Variants in PPP2R2B observed in about 807,000 individuals in gnomAD.
The protein encoded by PPP2R2B is protein phosphatase 2 regulatory subunit Bbeta.
In PPP2R2B, 5 loss-of-function variants were observed where a neutral mutation model predicts 46.0. That is an observed-to-expected ratio of 0.11 (90% CI 0.06 to 0.23). PPP2R2B has a LOEUF of 0.23. PPP2R2B is among the 10% of genes least tolerant of loss of function. The pLI is 1.00. For missense variants in PPP2R2B, 367 were observed against 575.0 expected, an observed-to-expected ratio of 0.64 and a Z score of 3.70; for synonymous variants, 215 against 206.7, an observed-to-expected ratio of 1.04 and a Z score of -0.34.
intron 2 of PPP2R2B, among the ~76,000 whole-genome samples, chr5:146,766,434 A>G (rs974676698): frequency 4.6e-5 from 7 of 152,182 alleles, no homozygotes; most frequent in Non-Finnish European, 1.0e-4. Flanking sequence ...CTAAGCCAGG[A>G]GTGAGTGGGG....
intron 2 of PPP2R2B, among the ~76,000 whole-genome samples, chr5:146,771,556 G>C (rs1391533888): frequency 1.3e-5 from 2 of 152,146 alleles, no homozygotes; most frequent in African/African-American, 4.8e-5. Context: ...CCTTCCATAA[G>C]AGTTACAAAC....
chr5:146,678,321 A>G lies in PPP2R2B; in HGVS notation c.447+12807T>C, dbSNP rs559169752. On this transcript the variant is annotated intron_variant, in intron 5 of 9. Coordinates refer to ENST00000394411, the MANE Select transcript of PPP2R2B (RefSeq NM_181675.4). ...TGCTTATCTCAATAGATGCAGAAAA[A>G]GCCTTTGACAAAATTCAACAACACT... 1.5e-3 allele frequency among the ~76,000 whole-genome samples: 230 copies of G among 150,358 alleles called. 2 individuals are homozygous for G. The highest frequency in any genetic ancestry group is 2.6e-3 in the Non-Finnish European group (176 of 67,988).
In PPP2R2B at chr5:146,939,265, G is replaced by A. The variant is rs555119290; in HGVS notation, c.79+116400C>T. On this transcript the variant is annotated intron_variant, in intron 1 of 8. Transcript: ENST00000336640. ...TTCCCTTAAAAGTTGATACCTAAAAGGAGAAAATAAAAATAAATACTTCTA... is the reference window on the plus strand; with the variant it reads ...TTCCCTTAAAAGTTGATACCTAAAAAGAGAAAATAAAAATAAATACTTCTA... Among the ~76,000 whole-genome samples the A allele has an allele frequency of 2.8e-4, 43 of 152,198 alleles. No homozygotes were observed. In the South Asian group the frequency reaches 3.5e-3, roughly 12 times the overall value.
intron 2 of PPP2R2B, among the ~76,000 whole-genome samples, chr5:146,788,697 C>A (rs1756002820): frequency 6.6e-6 from 1 of 152,212 alleles, no homozygotes; most frequent in Non-Finnish European, 1.5e-5. Context: ...TGCATCATTG[C>A]ATTTCAGCCT....
intron 2 of PPP2R2B, among the ~76,000 whole-genome samples, chr5:146,731,260 C>T (rs920330750): frequency 6.6e-6 from 1 of 152,176 alleles, no homozygotes; most frequent in Non-Finnish European, 1.5e-5. Context: ...AGAATAATTG[C>T]CAGTTACTGG....
At chr5:146,997,878 T>G (rs1055572308) in intron 1 of PPP2R2B, among the ~76,000 whole-genome samples, 1 of 152,312 alleles carries the variant, frequency 6.6e-6, no homozygotes, top group South Asian at 2.1e-4. Context: ...TTGATTTACA[T>G]CCTCTAAATG....
At chr5:146,877,542 G>A (rs752158227) in intron 2 of PPP2R2B, among the ~76,000 whole-genome samples, 4 of 152,114 alleles carry the variant, frequency 2.6e-5, no homozygotes, top group Non-Finnish European at 5.9e-5. Flanking sequence ...AGGTAACCTG[G>A]CCGGCCGGGG....
At chr5:146,911,109 A>T (rs1404680263) in intron 1 of PPP2R2B, among the ~76,000 whole-genome samples, 7 of 139,806 alleles carry the variant, frequency 5.0e-5, no homozygotes, top group African/African-American at 1.9e-4. Context: ...TTTGAGATGG[A>T]GTCTTGTTTT....
intron 1 of PPP2R2B, among the ~76,000 whole-genome samples, chr5:146,938,225 A>G (rs1764216218): frequency 1.3e-5 from 2 of 152,194 alleles, no homozygotes; most frequent in Admixed American, 1.3e-4. Flanking sequence ...TAAACTCACT[A>G]TCTATTGCAA....
chr5:146,886,589 G>A (rs560938016), intron 1 of PPP2R2B, among the ~76,000 whole-genome samples: 142 of 151,838 alleles, frequency 9.4e-4, no homozygotes, highest in Non-Finnish European at 1.8e-3. Flanking sequence ...GTATAGCAGT[G>A]CAGAAACGCT....
chr5:146,819,395 G>T (rs1758122077), intron 2 of PPP2R2B, among the ~76,000 whole-genome samples: 1 of 152,110 alleles, frequency 6.6e-6, no homozygotes, highest in Non-Finnish European at 1.5e-5. Flanking sequence ...AGAACACTGG[G>T]GTGGGATGGG....
At chr5:146,674,682 C>G (rs189483518) in intron 5 of PPP2R2B, among the ~76,000 whole-genome samples, 77 of 152,274 alleles carry the variant, frequency 5.1e-4, no homozygotes, top group African/African-American at 1.8e-3. Flanking sequence ...TCATTGGCAG[C>G]AGGAATATCT....
In PPP2R2B at chr5:146,930,432, A is replaced by C. The variant is rs544654292; in HGVS notation, c.79+125233T>G. Among the ~76,000 whole-genome samples, 219 of 152,276 alleles carry C rather than the reference A, an allele frequency of 1.4e-3. 1 individual carries two copies. Among genetic ancestry groups the C allele is most frequent in the Non-Finnish European group, 2.2e-3 (149 of 68,016 alleles). ...CCTCTGGGTCTTTATTTGTGGGATG[A>C]CTTTTCAATTTATAATTCTTTCTTG... On this transcript the variant is annotated intron_variant, in intron 1 of 8. Transcript: ENST00000336640.
At chr5:146,892,571 T>C (rs2926164) in intron 1 of PPP2R2B, among the ~76,000 whole-genome samples, 18,848 of 152,174 alleles carry the variant, frequency 0.12, 1,485 homozygotes, top group East Asian at 0.33. Flanking sequence ...CTTCAGTCTT[T>C]ACCCCTTCCA....
intron 1 of PPP2R2B, among the ~76,000 whole-genome samples, chr5:147,010,454 C>T (rs1039977982): frequency 1.8e-4 from 28 of 152,102 alleles, no homozygotes; most frequent in Non-Finnish European, 3.1e-4. Context: ...GCTTGTTTTC[C>T]TTCAACTAGA....
At chr5:146,643,405 A>T (rs552553790) in intron 6 of PPP2R2B, among the ~76,000 whole-genome samples, 1 of 152,318 alleles carries the variant, frequency 6.6e-6, no homozygotes, top group Admixed American at 6.5e-5. Context: ...AGTATTATAC[A>T]CAGTATATTA....
At chr5:146,920,010 ATGGG>A (rs1763538250) in intron 1 of PPP2R2B, among the ~76,000 whole-genome samples, 2 of 152,182 alleles carry the variant, frequency 1.3e-5, no homozygotes, top group Non-Finnish European at 2.9e-5. Flanking sequence ...CATCTAAAAA[ATGGG>A]CTTACAAATA....
chr5:147,028,610 A>C (rs541831430), intron 1 of PPP2R2B, among the ~76,000 whole-genome samples: 1 of 152,134 alleles, frequency 6.6e-6, no homozygotes, highest in African/African-American at 2.4e-5. Flanking sequence ...AGTTGTTTTC[A>C]TTTAGGGTTA....
chr5:146,741,843 G>A (rs1381698903), intron 2 of PPP2R2B, among the ~76,000 whole-genome samples: 4 of 152,164 alleles, frequency 2.6e-5, no homozygotes, highest in Non-Finnish European at 5.9e-5. Context: ...AAAATATTCT[G>A]GTTCAACAAG....
Sources: gnomAD v4.1 joint callset for allele counts (sites outside exome capture counted in the v4.1 genomes callset) on GRCh38, gnomAD v4.1.1 for gene constraint, MANE v1.5 for transcripts, NCBI Gene and HGNC (gene_info 2026-07-23, HGNC 2026-07-21) for gene names.